CECR2: variants seen among roughly 807,000 people sequenced by gnomAD.
CECR2 encodes the protein CECR2 histone acetyl-lysine reader, also known as chromatin remodeling regulator CECR2.
A neutral mutation model predicts 154.5 loss-of-function variants in CECR2; 30 were observed. The observed-to-expected ratio is 0.19, with a 90% CI of 0.15 to 0.26. CECR2 has a LOEUF of 0.26. CECR2 is among the 10% of genes least tolerant of loss of function. The pLI, the probability that CECR2 is intolerant of heterozygous loss-of-function variation, is 1.00. For synonymous variants in CECR2, 725 were observed against 683.7 expected, an observed-to-expected ratio of 1.06 and a Z score of -0.94; for missense variants, 1,743 against 1,829.3, an observed-to-expected ratio of 0.95 and a Z score of 0.86.
In CECR2 at chr22:17,504,881, C is replaced by T. The variant is rs545590467; in HGVS notation, c.735C>T (p.Leu245=). 4.5e-5 allele frequency: 73 copies of T among 1,613,840 alleles called. No individual in the cohort carries two copies. The highest frequency in any genetic ancestry group is 2.4e-4 in the South Asian group (22 of 91,068). ...SQGPGQGTWW[L]LCQTEEEWRQ... The stretch of plus-strand genomic sequence containing the variant: ...GGCCAGGCCAAGGTACTTGGTGGCT[C>T]CTGTGCCAGACAGAAGAGGAATGGA... Residue 245 remains leucine (L), a synonymous_variant, in exon 7 of 19, where the codon CTC becomes CTT. Transcript: ENST00000262608.
intron 9 of CECR2, among the ~76,000 whole-genome samples, chr22:17,525,051 A>AG (rs2056235116): frequency 6.7e-6 from 1 of 149,472 alleles, no homozygotes; most frequent in East Asian, 2.0e-4. Context: ...TGGGAGGCCA[A>AG]GGGGGGCGGA....
At chr22:17,536,285 C>T (rs2056436149) in intron 9 of CECR2, among the ~76,000 whole-genome samples, 1 of 152,112 alleles carries the variant, frequency 6.6e-6, no homozygotes, top group South Asian at 2.1e-4. Context: ...AATAGAGGCT[C>T]TTGCTGGCTT....
intron 1 of CECR2, among the ~76,000 whole-genome samples, chr22:17,393,416 C>T (rs746042846): frequency 6.6e-6 from 1 of 151,982 alleles, no homozygotes; most frequent in African/African-American, 2.4e-5. Context: ...TTTATTTACC[C>T]ATTGGTGGAC....
chr22:17,397,323 A>G (rs1482386254), intron 1 of CECR2, among the ~76,000 whole-genome samples: 1 of 151,684 alleles, frequency 6.6e-6, no homozygotes, highest in African/African-American at 2.4e-5. Flanking sequence ...GTATTTTAGT[A>G]GAGGCGTGGT....
At chr22:17,546,154 A>T (rs981663590) in intron 16 of CECR2, among the ~76,000 whole-genome samples, 1 of 152,198 alleles carries the variant, frequency 6.6e-6, no homozygotes, top group Admixed American at 6.5e-5. Context: ...GAATTTTCTA[A>T]TATTGATTTC....
At position 17,548,636 on chromosome 22, in the gene CECR2, C is replaced by T. The variant is rs1215564397; in HGVS notation, c.3349C>T (p.Pro1117Ser). The T allele has an allele frequency of 3.1e-6, 5 of 1,612,936 alleles. No homozygotes were observed. Among genetic ancestry groups the T allele is most frequent in the African/African-American group, 1.3e-5 (1 of 75,016 alleles). The change falls in exon 17 of 19, where the codon CCC becomes TCC. Residue 1117 changes from proline to serine, a missense_variant. Physicochemically the swap from Pro to Ser is moderately conservative, Grantham distance 74 (BLOSUM62 -1). Coordinates refer to ENST00000262608, the MANE Select transcript of CECR2 (RefSeq NM_001290047.2). ...GACGGGAGGCACTGTGAGCCAGTTT[C>T]CCCCGCTGTATATGCCTGGCCTAGA... ...GLTGGTVSQF[P>S]PLYMPGLEYP...
At chr22:17,441,254 A>T (rs1339803399) in intron 1 of CECR2, among the ~76,000 whole-genome samples, 1 of 152,246 alleles carries the variant, frequency 6.6e-6, no homozygotes, top group Admixed American at 6.5e-5. Flanking sequence ...CTGGCCTATT[A>T]ACACATTAAA....
chr22:17,523,016 A>G (rs1169955381), intron 8 of CECR2, among the ~76,000 whole-genome samples: 1 of 149,764 alleles, frequency 6.7e-6, no homozygotes. Flanking sequence ...GGGGGAAAAA[A>G]AAAAGCCTGC....
chr22:17,496,357 G>A (rs1052315276), intron 2 of CECR2, among the ~76,000 whole-genome samples: 6 of 151,930 alleles, frequency 3.9e-5, no homozygotes, highest in African/African-American at 9.7e-5. Context: ...GAAATTAGCC[G>A]GGCATGGTGG....
rs529442805 is a variant in CECR2 at position 17,512,403 on chromosome 22, A to G, written c.954+507A>G. Among the ~76,000 whole-genome samples the G allele has an allele frequency of 1.4e-3, 218 of 151,816 alleles. 3 individuals are homozygous for G. The South Asian group carries it at 0.015, about 10-fold the overall frequency. ...AAATGATATAAATATATATGGTCAA[A>G]AAACAGTATATATTAGAGCCAAGCA... On this transcript the variant is annotated intron_variant, in intron 8 of 18. Coordinates refer to ENST00000262608, the MANE Select transcript of CECR2 (RefSeq NM_001290047.2).
intron 1 of CECR2, among the ~76,000 whole-genome samples, chr22:17,441,503 G>T (rs768626502): frequency 6.6e-6 from 1 of 152,150 alleles, no homozygotes; most frequent in Non-Finnish European, 1.5e-5. Flanking sequence ...AGAATAGTGC[G>T]TCATTTATTC....
intron 1 of CECR2, among the ~76,000 whole-genome samples, chr22:17,441,517 C>A (rs146905454): frequency 2.7e-4 from 41 of 152,198 alleles, no homozygotes; most frequent in African/African-American, 9.6e-4. Context: ...TTTATTCTAA[C>A]GTGATGAAAG....
At chr22:17,477,081 C>A in intron 1 of CECR2, 1 of 716,192 alleles carries the variant, frequency 1.4e-6, no homozygotes, top group South Asian at 1.5e-5. Context: ...TAAAAATTGT[C>A]ATTATCACTT....
At chr22:17,468,600 C>T (rs956046515) in intron 1 of CECR2, among the ~76,000 whole-genome samples, 3 of 151,992 alleles carry the variant, frequency 2.0e-5, no homozygotes, top group Admixed American at 2.0e-4. Flanking sequence ...ATCACTTGAA[C>T]CTGGGAGGTC....
chr22:17,503,414 A>G (rs2055776314), intron 6 of CECR2, among the ~76,000 whole-genome samples: 1 of 152,146 alleles, frequency 6.6e-6, no homozygotes. Context: ...CAGCTTCTCA[A>G]AGAGAGGTCT....
intron 1 of CECR2, among the ~76,000 whole-genome samples, chr22:17,428,822 G>A (rs1030904940): frequency 1.3e-5 from 2 of 149,702 alleles, no homozygotes; most frequent in Non-Finnish European, 2.9e-5. Flanking sequence ...GTGTGTGTGT[G>A]TGTGTATATA....
chr22:17,504,807 A>C (rs778558477), intron 6 of CECR2, 40 bp from the exon 7 acceptor site: 1 of 1,566,876 alleles, frequency 6.4e-7, no homozygotes, highest in South Asian at 1.1e-5. Context: ...AAAGGTCCTC[A>C]TGGGATCTCC....
chr22:17,502,942 G>C (rs771229207), intron 5 of CECR2, 140 bp from the exon 6 acceptor site: 9 of 656,116 alleles, frequency 1.4e-5, no homozygotes, highest in Non-Finnish European at 1.9e-5. Context: ...TCAGCGTTCC[G>C]CCTCCAAGCC....
At position 17,542,769 on chromosome 22, in the gene CECR2, G is replaced by C. The variant is rs1261197009; in HGVS notation, c.2626G>C (p.Gly876Arg). The C allele has an allele frequency of 3.7e-6, 6 of 1,613,858 alleles. No homozygotes were observed. The highest frequency in any genetic ancestry group is 5.1e-6 in the Non-Finnish European group (6 of 1,179,894). ...PAQALRGVQG[G>R]DSMMDSPEMI... ...CCAGGCTCTTCGGGGGGTGCAGGGA[G>C]GGGACTCCATGATGGACAGCCCAGA... Residue 876 changes from glycine (G) to arginine (R), a missense_variant, in exon 16 of 19, where the codon GGG (glycine) becomes CGG (arginine). By Grantham distance (125) the Gly-to-Arg change is moderately radical. This residue lies in a region of CECR2 where 1,250 missense variants were observed against 1,192.1 expected (regional missense o/e 1.05). Coordinates refer to ENST00000262608, the MANE Select transcript of CECR2 (RefSeq NM_001290047.2).
Sources: gnomAD v4.1 joint callset for allele counts (sites outside exome capture counted in the v4.1 genomes callset) on GRCh38, gnomAD v4.1.1 for gene constraint, gnomAD v4.1.1 regional missense constraint, MANE v1.5 for transcripts, NCBI Gene and HGNC (gene_info 2026-07-23, HGNC 2026-07-21) for gene names.